CERS6: variants seen among roughly 807,000 people sequenced by gnomAD.
CERS6 encodes LAG1 homolog, ceramide synthase 6.
A neutral mutation model predicts 56.8 loss-of-function variants in CERS6; 26 were observed. That is an observed-to-expected ratio of 0.46 (90% CI 0.34 to 0.63). The LOEUF is 0.63. CERS6 is among the 30% of genes least tolerant of loss of function. The probability of loss-of-function intolerance (pLI) is 0.01; values close to 1 mark genes in which losing one functional copy is unlikely to be tolerated. For synonymous variants in CERS6, 164 were observed against 173.3 expected (o/e 0.95, Z 0.42); for missense variants, 415 against 467.5 (o/e 0.89, Z 1.04).
chr2:168,630,475 T>G lies in CERS6; in HGVS notation c.408-510T>G, dbSNP rs1017763150. Among the ~76,000 whole-genome samples the G allele has an allele frequency of 9.2e-5, 14 of 152,330 alleles. No homozygotes were observed. In the East Asian group the frequency reaches 2.7e-3, roughly 29 times the overall value. Reference sequence around the variant, plus strand: ...AAAATTGTCATTTATAGTTGTAATTTGATTTATTTAGATTCTATATGCCTT... The same window carrying G: ...AAAATTGTCATTTATAGTTGTAATTGGATTTATTTAGATTCTATATGCCTT... On this transcript the variant is annotated intron_variant, in intron 3 of 9. Coordinates refer to ENST00000305747, the MANE Select transcript of CERS6 (RefSeq NM_203463.3).
chr2:168,484,312 G>C (rs888796816), intron 1 of CERS6, among the ~76,000 whole-genome samples: 2 of 150,878 alleles, frequency 1.3e-5, no homozygotes, highest in African/African-American at 4.9e-5. Context: ...CTCCCGAGTA[G>C]CTGGGATTAT....
chr2:168,590,459 A>G (rs1196261084), intron 3 of CERS6, among the ~76,000 whole-genome samples: 1 of 152,220 alleles, frequency 6.6e-6, no homozygotes, highest in East Asian at 1.9e-4. Flanking sequence ...ATTCTAGTGT[A>G]TGTCAGGGAC....
intron 8 of CERS6, among the ~76,000 whole-genome samples, chr2:168,748,244 T>A (rs1404876730): frequency 6.6e-6 from 1 of 152,202 alleles, no homozygotes; most frequent in Non-Finnish European, 1.5e-5. Context: ...AAGTCTTACC[T>A]TCAGCTTGTT....
intron 3 of CERS6, among the ~76,000 whole-genome samples, chr2:168,609,660 C>CTG (rs1684137027): frequency 6.6e-6 from 1 of 152,180 alleles, no homozygotes; most frequent in East Asian, 1.9e-4. Context: ...TTTCCCTGCT[C>CTG]TGTGTTACCC....
chr2:168,685,062 A>G (rs1686312559), intron 4 of CERS6, among the ~76,000 whole-genome samples: 1 of 152,216 alleles, frequency 6.6e-6, no homozygotes, highest in South Asian at 2.1e-4. Flanking sequence ...AACATAATCC[A>G]ACTACATAGA....
chr2:168,529,497 T>A (rs1184706785), intron 1 of CERS6, among the ~76,000 whole-genome samples: 1 of 152,190 alleles, frequency 6.6e-6, no homozygotes, highest in African/African-American at 2.4e-5. Flanking sequence ...TACCGATCAT[T>A]GATGACCAAA....
At chr2:168,561,359 A>G (rs1488298891) in intron 3 of CERS6, 37 bp downstream of exon 3, 3 of 1,613,006 alleles carry the variant, frequency 1.9e-6, no homozygotes, top group Non-Finnish European at 2.5e-6. Flanking sequence ...GAAAAGACCT[A>G]AGTACTCATG....
Position 168,676,839 on chromosome 2 carries a change from T to C in CERS6, c.466-14195T>C, listed in dbSNP as rs958342579. Among the ~76,000 whole-genome samples the C allele has an allele frequency of 3.9e-5, 6 of 152,160 alleles. No individual in the cohort carries two copies. In the East Asian group the frequency reaches 1.2e-3, roughly 29 times the overall value. On this transcript the variant is annotated intron_variant, in intron 4 of 9. Coordinates refer to ENST00000305747, the MANE Select transcript of CERS6 (RefSeq NM_203463.3). ...AGAGGTTTAATGAAGTTAATGACTT[T>C]TATGCTTCATCAAGGATAGTCATCA...
chr2:168,695,163 T>G, intron 6 of CERS6, 112 bp downstream of exon 6: 1 of 732,080 alleles, frequency 1.4e-6, no homozygotes, highest in East Asian at 2.6e-5. Context: ...CAGCCCTAGG[T>G]TAGTACGACT....
intron 4 of CERS6, among the ~76,000 whole-genome samples, chr2:168,677,955 ACTGGTCGT>A (rs1221021436): frequency 5.3e-5 from 8 of 152,226 alleles, no homozygotes; most frequent in South Asian, 2.1e-4. Flanking sequence ...GCTCATCATC[ACTGGTCGT>A]CAGAGAAATG....
At chr2:168,530,551 A>C (rs771858666) in intron 1 of CERS6, among the ~76,000 whole-genome samples, 2 of 152,206 alleles carry the variant, frequency 1.3e-5, no homozygotes, top group Non-Finnish European at 2.9e-5. Flanking sequence ...AGAATACAGG[A>C]ACATATGTTT....
At chr2:168,616,408 TG>T (rs1220746990) in intron 3 of CERS6, among the ~76,000 whole-genome samples, 1 of 152,158 alleles carries the variant, frequency 6.6e-6, no homozygotes. Flanking sequence ...TGAATGTAAA[TG>T]GCCTAAGTGC....
At chr2:168,693,344 G>A (rs1230184643) in intron 5 of CERS6, among the ~76,000 whole-genome samples, 3 of 152,110 alleles carry the variant, frequency 2.0e-5, no homozygotes, top group Non-Finnish European at 2.9e-5. Context: ...CAAAGCACTC[G>A]TCGGACATAG....
chr2:168,480,974 A>G (rs1378038415), intron 1 of CERS6, among the ~76,000 whole-genome samples: 1 of 152,212 alleles, frequency 6.6e-6, no homozygotes, highest in African/African-American at 2.4e-5. Context: ...ATCATGGGCT[A>G]GAAGTCCAGG....
chr2:168,554,963 G>C (rs1695649473), intron 2 of CERS6, among the ~76,000 whole-genome samples: 1 of 151,986 alleles, frequency 6.6e-6, no homozygotes, highest in Non-Finnish European at 1.5e-5. Flanking sequence ...AAGAAAAAAT[G>C]GAAACACAAT....
intron 8 of CERS6, among the ~76,000 whole-genome samples, chr2:168,726,181 C>A (rs1445429895): frequency 6.6e-6 from 1 of 152,084 alleles, no homozygotes; most frequent in Non-Finnish European, 1.5e-5. Flanking sequence ...TAAATCTTTG[C>A]AAAGAAAGAT....
chr2:168,483,609 C>T (rs116744557), intron 1 of CERS6, among the ~76,000 whole-genome samples: 2 of 152,288 alleles, frequency 1.3e-5, no homozygotes, highest in Non-Finnish European at 2.9e-5. Flanking sequence ...AGATGAAATA[C>T]TTAACTAGCT....
intron 4 of CERS6, among the ~76,000 whole-genome samples, chr2:168,637,078 A>G (rs1296750609): frequency 1.3e-5 from 2 of 152,232 alleles, no homozygotes; most frequent in Non-Finnish European, 2.9e-5. Flanking sequence ...GCTCATATGT[A>G]TGGTGAGCTG....
At chr2:168,664,860 C>T (rs1027839609) in intron 4 of CERS6, among the ~76,000 whole-genome samples, 1 of 152,108 alleles carries the variant, frequency 6.6e-6, no homozygotes, top group African/African-American at 2.4e-5. Context: ...AGAGTGCAGC[C>T]CAGTAGGTTT....
Sources: gnomAD v4.1 joint callset for allele counts (sites outside exome capture counted in the v4.1 genomes callset) on GRCh38, gnomAD v4.1.1 for gene constraint, MANE v1.5 for transcripts, NCBI Gene and HGNC (gene_info 2026-07-23, HGNC 2026-07-21) for gene names.